LRRC39: variants seen among roughly 807,000 people sequenced by gnomAD.
LRRC39 encodes the protein leucine-rich repeat-containing protein 39.
In LRRC39, 35 loss-of-function variants were observed where a neutral mutation model predicts 39.7. The observed-to-expected ratio is 0.88, with a 90% CI of 0.67 to 1.17. The LOEUF is 1.17. LRRC39 is among the 50% of genes most tolerant of loss of function. The pLI is 0.00. For missense variants in LRRC39, 357 were observed against 385.8 expected (o/e 0.93, Z 0.62); for synonymous variants, 113 against 134.1 (o/e 0.84, Z 1.09).
intron 3 of LRRC39, among the ~76,000 whole-genome samples, 199 bp from the exon 4 acceptor site, chr1:100,160,770 G>A (rs978340100): frequency 2.0e-5 from 3 of 151,658 alleles, no homozygotes; most frequent in South Asian, 2.1e-4. Context: ...GATTACAGGC[G>A]TCCACCACCA....
chr1:100,157,961 G>A (rs576542767), intron 6 of LRRC39, among the ~76,000 whole-genome samples: 1 of 152,290 alleles, frequency 6.6e-6, no homozygotes, highest in Non-Finnish European at 1.5e-5. Context: ...CCTCAATTCT[G>A]AGACTATAAT....
chr1:100,157,879 T>C (rs1359353056), intron 6 of LRRC39, among the ~76,000 whole-genome samples: 1 of 152,206 alleles, frequency 6.6e-6, no homozygotes, highest in African/African-American at 2.4e-5. Flanking sequence ...TATCACTACA[T>C]TGTCTGTGCT....
intron 2 of LRRC39, among the ~76,000 whole-genome samples, chr1:100,170,534 T>C (rs1659529658): frequency 6.6e-6 from 1 of 152,170 alleles, no homozygotes; most frequent in South Asian, 2.1e-4. Flanking sequence ...TTTTGAGTGA[T>C]GAAAATGTTC....
chr1:100,160,690 T>G, intron 3 of LRRC39, 119 bp from the exon 4 acceptor site: 5 of 654,528 alleles, frequency 7.6e-6, no homozygotes, highest in South Asian at 2.6e-5. Context: ...AGTGGCCCGA[T>G]CTCGGCCCAC....
intron 9 of LRRC39, among the ~76,000 whole-genome samples, chr1:100,151,863 C>T (rs1186998387): frequency 6.6e-6 from 1 of 152,040 alleles, no homozygotes; most frequent in Non-Finnish European, 1.5e-5. Flanking sequence ...TCTCTTGAGC[C>T]CAGGAGTTCA....
In LRRC39 at chr1:100,148,863, AT is replaced by A; in HGVS notation, c.*178del. The A allele has an allele frequency of 8.0e-7, 1 of 1,247,534 alleles. No homozygotes were observed. 77.3% of individuals were successfully genotyped at this position (1,247,534 alleles called of 1,614,324 possible). A position where few individuals can be genotyped will look rare whatever the true frequency, so the allele number is the denominator to read the frequency against. On this transcript the variant is annotated 3_prime_UTR_variant, in exon 10 of 10. Transcript: ENST00000370137. Reference sequence around the variant, plus strand: ...CATCATCTGTCTTCCACCAAAAAAAATTTTTTAATTATATTTTTATATCAAA... The same window carrying A: ...CATCATCTGTCTTCCACCAAAAAAAATTTTTAATTATATTTTTATATCAAA...
intron 5 of LRRC39, among the ~76,000 whole-genome samples, chr1:100,158,858 A>G (rs76167659): frequency 1.3e-5 from 2 of 149,066 alleles, no homozygotes; most frequent in Non-Finnish European, 3.0e-5. Flanking sequence ...TGCAATAGGA[A>G]AAAAAAAAAA....
intron 5 of LRRC39, 151 bp downstream of exon 5, chr1:100,159,108 C>T: frequency 7.3e-6 from 4 of 550,122 alleles, no homozygotes; most frequent in Non-Finnish European, 1.1e-5. Context: ...CTTGAATCCC[C>T]TAGAAGCTTC....
At chr1:100,175,191 T>C (rs1659875596) in intron 1 of LRRC39, among the ~76,000 whole-genome samples, 1 of 151,954 alleles carries the variant, frequency 6.6e-6, no homozygotes, top group Admixed American at 6.6e-5. Flanking sequence ...TTTGTGGTTT[T>C]TTGTTTGTTT....
chr1:100,157,134 A>G (rs1340424284), intron 6 of LRRC39, among the ~76,000 whole-genome samples: 1 of 152,158 alleles, frequency 6.6e-6, no homozygotes, highest in Admixed American at 6.5e-5. Context: ...TATCATTTTT[A>G]TTGTATGCAA....
intron 7 of LRRC39, 103 bp downstream of exon 7, chr1:100,156,069 T>C: frequency 2.8e-6 from 3 of 1,066,702 alleles, no homozygotes; most frequent in Non-Finnish European, 4.0e-6. Context: ...TAGTTGGACC[T>C]ATTGTGATTG....
In LRRC39 at chr1:100,171,178, G is replaced by A. The variant is rs78251564; in HGVS notation, c.-79+2153C>T. Among the ~76,000 whole-genome samples, 1,494 of 152,246 alleles carry A rather than the reference G, an allele frequency of 9.8e-3. 13 individuals are homozygous for A. The highest frequency in any genetic ancestry group is 0.017 in the Non-Finnish European group (1,187 of 68,028). ...TATTTTAACAATTCTTTTAGCAATT[G>A]GTTGCACAAGCAGTTTAAAACTTAG... On this transcript the variant is annotated intron_variant, in intron 2 of 9. Transcript: ENST00000370137.
In LRRC39 at chr1:100,148,558, CA is replaced by C. The variant is rs1304994063; in HGVS notation, c.*483del. The C allele has an allele frequency of 7.0e-6, 10 of 1,430,264 alleles. No individual in the cohort carries two copies. Among genetic ancestry groups the C allele is most frequent in the African/African-American group, 1.5e-5 (1 of 68,698 alleles). The allele number at this position is 1,430,264 out of a possible 1,614,324, so 88.6% of individuals were successfully genotyped here. On this transcript the variant is annotated 3_prime_UTR_variant, in exon 10 of 10. Transcript: ENST00000370137. ...TTAACAGTCTCTCAATAAATAGTGACAAAAATAATTTTTTATAAACTTTTGC... is the reference window on the plus strand; with the variant it reads ...TTAACAGTCTCTCAATAAATAGTGACAAAATAATTTTTTATAAACTTTTGC...
chr1:100,171,026 G>A (rs375263297), intron 2 of LRRC39, among the ~76,000 whole-genome samples: 17 of 152,270 alleles, frequency 1.1e-4, no homozygotes, highest in African/African-American at 3.4e-4. Flanking sequence ...CATAATAAGA[G>A]ATTTAATCCA....
chr1:100,159,520 G>T, intron 4 of LRRC39, 105 bp from the exon 5 acceptor site: 1 of 941,576 alleles, frequency 1.1e-6, no homozygotes. Flanking sequence ...TGGAATATTT[G>T]GAATTTGTTT....
In LRRC39 at chr1:100,148,566, AT is replaced by A. The variant is rs1657592868; in HGVS notation, c.*475del. 3 of 1,469,132 alleles carry A rather than the reference AT, an allele frequency of 2.0e-6. No individual in the cohort carries two copies. Among genetic ancestry groups the A allele is most frequent in the Non-Finnish European group, 2.8e-6 (3 of 1,073,198 alleles). 91.0% of individuals were successfully genotyped at this position (1,469,132 alleles called of 1,614,324 possible). A position where few individuals can be genotyped will look rare whatever the true frequency, so the allele number is the denominator to read the frequency against. On this transcript the variant is annotated 3_prime_UTR_variant, in exon 10 of 10. Transcript: ENST00000370137. ...CTCTCAATAAATAGTGACAAAAATAATTTTTTATAAACTTTTGCAAAATTTT... is the reference window on the plus strand; with the variant it reads ...CTCTCAATAAATAGTGACAAAAATAATTTTTATAAACTTTTGCAAAATTTT...
At chr1:100,158,493 A>C (rs957218324) in intron 5 of LRRC39, 126 bp from the exon 6 acceptor site, 1 of 742,430 alleles carries the variant, frequency 1.3e-6, no homozygotes, top group East Asian at 3.3e-5. Flanking sequence ...GCTGGAGTGC[A>C]GTGGCGCTAT....
In LRRC39 at chr1:100,148,782, T is replaced by C; in HGVS notation, c.*260A>G. On this transcript the variant is annotated 3_prime_UTR_variant, in exon 10 of 10. Coordinates refer to ENST00000370137, the MANE Select transcript of LRRC39 (RefSeq NM_144620.4). ...TTTGGAAAATGTTTTGTTAACTGCT[T>C]TACCAAATCATTCTTCATCACCAGA... 1 of 1,537,748 alleles carries C rather than the reference T, an allele frequency of 6.5e-7. No individual in the cohort carries two copies.
intron 9 of LRRC39, among the ~76,000 whole-genome samples, chr1:100,151,195 C>T (rs562236880): frequency 1.4e-4 from 21 of 149,528 alleles, no homozygotes; most frequent in African/African-American, 5.1e-4. Flanking sequence ...CCACCTGATT[C>T]TATTCGCCAA....
Sources: allele counts gnomAD v4.1 joint callset (sites outside exome capture counted in the v4.1 genomes callset), GRCh38; gene constraint gnomAD v4.1.1; transcripts MANE v1.5; gene names NCBI Gene and HGNC (gene_info 2026-07-23, HGNC 2026-07-21).